The following P4HA1 variants were observed in gnomAD, a reference collection of about 807,000 sequenced individuals.
The protein encoded by P4HA1 is prolyl 4-hydroxylase subunit alpha 1.
In P4HA1, 24 loss-of-function variants were observed where a neutral mutation model predicts 72.8. The observed-to-expected ratio is 0.33, with a 90% CI of 0.24 to 0.46. The LOEUF (loss-of-function observed/expected upper bound fraction) is 0.46. P4HA1 is among the 20% of genes least tolerant of loss of function. P4HA1 has a pLI of 1.00. For synonymous variants in P4HA1, 201 were observed against 218.8 expected (o/e 0.92, Z 0.72); for missense variants, 446 against 640.6 (o/e 0.70, Z 3.28).
intron 4 of P4HA1, among the ~76,000 whole-genome samples, chr10:73,069,538 A>G (rs1209301824): frequency 6.6e-6 from 1 of 152,182 alleles, no homozygotes; most frequent in Non-Finnish European, 1.5e-5. Flanking sequence ...CTAGTTTACT[A>G]AAATATATTT....
At chr10:73,069,118 G>GA (rs1479343407) in intron 4 of P4HA1, 135 bp from the exon 5 acceptor site, 1 of 629,558 alleles carries the variant, frequency 1.6e-6, no homozygotes, top group African/African-American at 1.8e-5. Context: ...TACTCAACAA[G>GA]AAAAAATTAA....
chr10:73,043,234 A>G (rs1589598343), intron 9 of P4HA1, among the ~76,000 whole-genome samples: 1 of 152,142 alleles, frequency 6.6e-6, no homozygotes, highest in African/African-American at 2.4e-5. Flanking sequence ...GTTATATTTC[A>G]TTAGTTATTG....
intron 10 of P4HA1, among the ~76,000 whole-genome samples, chr10:73,020,090 A>G (rs1320902335): frequency 6.6e-6 from 1 of 152,144 alleles, no homozygotes; most frequent in East Asian, 1.9e-4. Flanking sequence ...TCCCCTCTGA[A>G]GCACATTTCA....
chr10:73,096,665 G>A (rs1254532462), intron 1 of P4HA1, 101 bp downstream of exon 1: 2 of 153,478 alleles, frequency 1.3e-5, no homozygotes, highest in Non-Finnish European at 2.9e-5. Flanking sequence ...CCCCGCCCCA[G>A]AAGTACCACC....
rs201651550 is a variant in P4HA1, at chr10:73,069,806, G to GTTTTT, written c.326-824_326-823insAAAAA. ...TCTTCTCATTAACTTATAATCAACT[G>GTTTTT]TTTTGTTTTTTTTTTTTTGAGACAG... On this transcript the variant is annotated intron_variant, in intron 4 of 14. Transcript: ENST00000394890. Among the ~76,000 whole-genome samples the GTTTTT allele has an allele frequency of 1.6e-3, 233 of 147,406 alleles. 9 individuals are homozygous for GTTTTT. The highest frequency in any genetic ancestry group is 5.2e-3 in the African/African-American group (200 of 38,766).
intron 5 of P4HA1, among the ~76,000 whole-genome samples, chr10:73,062,443 C>T (rs1346210475): frequency 6.6e-6 from 1 of 151,926 alleles, no homozygotes; most frequent in African/African-American, 2.4e-5. Flanking sequence ...TCTCCAACAA[C>T]ATTTCTCTCA....
intron 9 of P4HA1, among the ~76,000 whole-genome samples, chr10:73,043,407 T>TA (rs57581824): frequency 1.3e-5 from 2 of 152,220 alleles, no homozygotes; most frequent in African/African-American, 4.8e-5. Context: ...GAGCTCTTTT[T>TA]AAAAAACATT....
intron 1 of P4HA1, among the ~76,000 whole-genome samples, chr10:73,087,353 C>T (rs534672150): frequency 4.0e-5 from 6 of 151,314 alleles, no homozygotes; most frequent in South Asian, 2.1e-4. Flanking sequence ...ACTGCAACCT[C>T]CACCTCCTGG....
At chr10:73,094,736 T>C (rs141802196) in intron 1 of P4HA1, among the ~76,000 whole-genome samples, 77 of 152,310 alleles carry the variant, frequency 5.1e-4, no homozygotes, top group African/African-American at 1.6e-3. Context: ...TCTGCACTAA[T>C]AGAAAAGGTT....
At chr10:73,057,843 T>C (rs1196477375) in intron 5 of P4HA1, among the ~76,000 whole-genome samples, 1 of 151,374 alleles carries the variant, frequency 6.6e-6, no homozygotes, top group Non-Finnish European at 1.5e-5. Flanking sequence ...CACCGGTAAT[T>C]TGAGCACTTT....
intron 5 of P4HA1, among the ~76,000 whole-genome samples, chr10:73,062,061 A>G (rs1471502025): frequency 6.6e-6 from 1 of 152,202 alleles, no homozygotes; most frequent in Non-Finnish European, 1.5e-5. Flanking sequence ...TTAGATATGC[A>G]TGTTGAATTA....
intron 11 of P4HA1, among the ~76,000 whole-genome samples, chr10:73,015,245 C>T (rs531335389): frequency 2.6e-5 from 4 of 152,254 alleles, no homozygotes; most frequent in African/African-American, 9.6e-5. Context: ...AACCTCTTGG[C>T]ATTTCTCCCA....
At chr10:73,065,484 C>T (rs899412892) in intron 5 of P4HA1, 1 of 152,162 alleles carries the variant, frequency 6.6e-6, no homozygotes, top group Non-Finnish European at 1.5e-5. Flanking sequence ...ATTCACTAAG[C>T]ATTTCTCTGA....
chr10:73,016,969 C>T, intron 10 of P4HA1, 70 bp from the exon 11 acceptor site: 1 of 1,256,950 alleles, frequency 8.0e-7, no homozygotes, highest in Non-Finnish European at 1.1e-6. Flanking sequence ...ATCTATGAAC[C>T]TCATTTTTTG....
At chr10:73,044,092 T>C (rs1589599047) in intron 9 of P4HA1, 1 of 512,642 alleles carries the variant, frequency 2.0e-6, no homozygotes, top group Admixed American at 3.2e-5. Context: ...TGGTCTCGAA[T>C]CCACAAAAAC....
chr10:73,093,907 T>TACATACAC (rs1554843987), intron 1 of P4HA1, among the ~76,000 whole-genome samples: 4 of 55,594 alleles, frequency 7.2e-5, no homozygotes, highest in Non-Finnish European at 1.2e-4. Flanking sequence ...TATATATATA[T>TACATACAC]ACACACACAC....
intron 9 of P4HA1, among the ~76,000 whole-genome samples, chr10:73,043,655 T>G (rs1408200338): frequency 6.6e-6 from 1 of 152,208 alleles, no homozygotes; most frequent in Non-Finnish European, 1.5e-5. Context: ...TTATCAAAGT[T>G]TGGGGAGCCT....
chr10:73,072,395 T>C (rs1402588237), intron 3 of P4HA1, among the ~76,000 whole-genome samples: 1 of 152,174 alleles, frequency 6.6e-6, no homozygotes, highest in Non-Finnish European at 1.5e-5. Flanking sequence ...TTTAATTTTG[T>C]TTCTCCCAAA....
intron 7 of P4HA1, among the ~76,000 whole-genome samples, chr10:73,050,445 T>A (rs964886808): frequency 2.0e-5 from 3 of 151,972 alleles, no homozygotes; most frequent in African/African-American, 7.3e-5. Context: ...CTCACGCCTG[T>A]AATCCCACCA....
Sources: allele counts gnomAD v4.1 joint callset (sites outside exome capture counted in the v4.1 genomes callset), GRCh38; gene constraint gnomAD v4.1.1; transcripts MANE v1.5; gene names NCBI Gene and HGNC (gene_info 2026-07-23, HGNC 2026-07-21).